Variants in MCF2L observed in about 807,000 individuals in gnomAD.
The protein encoded by MCF2L is MCF.2 cell line derived transforming sequence like.
In MCF2L, 97 loss-of-function variants were observed where a neutral mutation model predicts 153.4. The ratio of observed to expected loss-of-function variants is 0.63; its 90% CI spans 0.54 to 0.75. The LOEUF (loss-of-function observed/expected upper bound fraction) is 0.75, where lower values mean the gene tolerates loss of function less well. MCF2L is among the 30% of genes least tolerant of loss of function. The pLI, the probability that MCF2L is intolerant of heterozygous loss-of-function variation, is 0.00. For synonymous variants in MCF2L, 659 were observed against 632.2 expected (o/e 1.04, Z -0.64); for missense variants, 1,347 against 1,495.2 (o/e 0.90, Z 1.64).
At chr13:112,942,683 T>A (rs12865475) in intron 2 of MCF2L, among the ~76,000 whole-genome samples, 10,604 of 152,288 alleles carry the variant, frequency 0.07, 428 homozygotes, top group South Asian at 0.18. Flanking sequence ...GTAAAAAAAC[T>A]CTGTCTAGTT....
At chr13:112,992,319 C>G (rs975204330) in intron 1 of MCF2L, among the ~76,000 whole-genome samples, 2 of 152,202 alleles carry the variant, frequency 1.3e-5, no homozygotes, top group Non-Finnish European at 2.9e-5. Flanking sequence ...GTAGGAGATA[C>G]TTGGCCATGT....
chr13:113,035,109 G>A lies in MCF2L; in HGVS notation c.279-10162G>A, dbSNP rs1032565299. ...CCGTGCAGACCTCACCATTCCCGAC[G>A]GGAACACTTGTGATATTCACTTCCA... is the stretch of plus-strand genomic sequence containing the variant. On this transcript the variant is annotated intron_variant, in intron 3 of 29. Coordinates refer to ENST00000535094, the MANE Select transcript of MCF2L (RefSeq NM_001112732.3). The surrounding 1 kb of genome is among the most constrained non-coding windows in gnomAD (Gnocchi z 4.4). Among the ~76,000 whole-genome samples, 3 of 152,316 alleles carry A rather than the reference G, an allele frequency of 2.0e-5. No homozygotes were observed. Among genetic ancestry groups the A allele is most frequent in the Middle Eastern group, 3.4e-3 (1 of 294 alleles).
chr13:113,050,550 A>C (rs1283213480), intron 4 of MCF2L, among the ~76,000 whole-genome samples: 3 of 150,116 alleles, frequency 2.0e-5, no homozygotes, highest in Admixed American at 1.3e-4. Context: ...TCGTCCAGCA[A>C]ATCTTTCACA....
chr13:113,043,209 AGCCCCTTG>A (rs2086612026), intron 3 of MCF2L: 2 of 152,272 alleles, frequency 1.3e-5, no homozygotes, highest in African/African-American at 2.4e-5. Context: ...CCCAACACAC[AGCCCCTTG>A]GCAGGGGCTC....
intron 1 of MCF2L, among the ~76,000 whole-genome samples, chr13:112,973,784 G>T (rs928706046): frequency 6.6e-6 from 1 of 152,234 alleles, no homozygotes; most frequent in African/African-American, 2.4e-5. Context: ...GGCTCCAGGG[G>T]CTGGCGCTGA....
intron 3 of MCF2L, among the ~76,000 whole-genome samples, chr13:113,030,219 C>G (rs1032253409): frequency 6.6e-6 from 1 of 151,876 alleles, no homozygotes; most frequent in South Asian, 2.1e-4. Context: ...TGCCGACGCC[C>G]GGTGTGGACT....
intron 17 of MCF2L, 138 bp downstream of exon 17, chr13:113,082,680 G>A (rs2034261173): frequency 1.5e-6 from 1 of 650,522 alleles, no homozygotes; most frequent in Non-Finnish European, 2.8e-6. Context: ...GACTCACAGA[G>A]GCACAGGCTT....
chr13:112,953,998 G>A (rs753875211), intron 2 of MCF2L, among the ~76,000 whole-genome samples: 9 of 152,252 alleles, frequency 5.9e-5, no homozygotes, highest in Non-Finnish European at 1.2e-4. Context: ...TGAGAACGCT[G>A]TGGCATGCTG....
Position 112,907,410 on chromosome 13 carries a change from A to C in MCF2L, c.169+5039A>C, listed in dbSNP as rs941595136. 6.6e-6 allele frequency among the ~76,000 whole-genome samples: 1 copy of C among 152,122 alleles called. No homozygotes were observed. The highest frequency in any genetic ancestry group is 2.4e-5 in the African/African-American group (1 of 41,420). On this transcript the variant is annotated intron_variant, in intron 2 of 29. Coordinates refer to the MCF2L transcript ENST00000375608. This position sits in a 1 kb window ranked among gnomAD's most constrained non-coding sequence, Gnocchi z 5.1. ...GGTCATAGTCGTGGCTTGGTGGAGAATCCTCGGTGTTTGTGGCATGGATCG... is the reference window on the plus strand; with the variant it reads ...GGTCATAGTCGTGGCTTGGTGGAGACTCCTCGGTGTTTGTGGCATGGATCG...
At chr13:112,986,798 G>T (rs1011625132) in intron 1 of MCF2L, among the ~76,000 whole-genome samples, 2 of 152,232 alleles carry the variant, frequency 1.3e-5, no homozygotes, top group Admixed American at 6.5e-5. Context: ...TCACTCCCCT[G>T]CCTGCCTCAC....
chr13:112,984,695 G>C (rs1469347255), intron 1 of MCF2L, among the ~76,000 whole-genome samples: 2 of 152,204 alleles, frequency 1.3e-5, no homozygotes, highest in South Asian at 2.1e-4. Flanking sequence ...CGTGCAAAAA[G>C]GAAAACGTGT....
intron 2 of MCF2L, among the ~76,000 whole-genome samples, chr13:112,912,973 T>C (rs2081249669): frequency 6.6e-6 from 1 of 151,144 alleles, no homozygotes; most frequent in African/African-American, 2.4e-5. Flanking sequence ...TCTGTATGTA[T>C]GGGGTGTGTC....
At chr13:113,043,458 G>T (rs182638728) in intron 3 of MCF2L, 1 of 152,344 alleles carries the variant, frequency 6.6e-6, no homozygotes, top group Admixed American at 6.5e-5. Context: ...CGCCGCCTGG[G>T]GCAAGAGGGA....
chr13:113,048,729 A>G (rs1259625079), intron 4 of MCF2L, among the ~76,000 whole-genome samples: 4 of 152,170 alleles, frequency 2.6e-5, no homozygotes, highest in Non-Finnish European at 5.9e-5. Flanking sequence ...GGTGTGAGCC[A>G]CCGCGCCCGG....
In MCF2L at chr13:113,014,796, G is replaced by T; in HGVS notation, c.113G>T (p.Cys38Phe). The T allele has an allele frequency of 6.2e-7, 1 of 1,614,096 alleles. No homozygotes were observed. The highest frequency in any genetic ancestry group is 1.1e-5 in the South Asian group (1 of 91,086). The change falls in exon 2 of 30, where the codon TGT (cysteine) becomes TTT (phenylalanine). Residue 38 changes from cysteine to phenylalanine, a missense_variant. Cys to Phe is a radical substitution (Grantham distance 205). Around this residue, in one of 3 missense-constraint regions of MCF2L, gnomAD observed 820 missense variants for 921.2 expected, o/e 0.89. Transcript: ENST00000535094. ...ATGCACCAGGACATCGTCCCGCTCT[G>T]TGCTGCCGACATCCAGGACCAGCTA... ...EIMHQDIVPL[C>F]AADIQDQLKK...
intron 2 of MCF2L, among the ~76,000 whole-genome samples, chr13:113,021,568 C>T (rs1359890950): frequency 6.6e-6 from 1 of 152,184 alleles, no homozygotes; most frequent in Non-Finnish European, 1.5e-5. Context: ...TCGGAGCCCT[C>T]TGTCCTCTGC....
At position 113,014,790 on chromosome 13, in the gene MCF2L, C is replaced by T. The variant is rs764620726; in HGVS notation, c.107C>T (p.Pro36Leu). 6 of 1,614,068 alleles carry T rather than the reference C, an allele frequency of 3.7e-6. No homozygotes were observed. The highest frequency in any genetic ancestry group is 2.2e-5 in the East Asian group (1 of 44,876). ...GAAATCATGCACCAGGACATCGTCC[C>T]GCTCTGTGCTGCCGACATCCAGGAC... The part of the protein sequence containing the change: ...TDEIMHQDIV[P>L]LCAADIQDQL... Residue 36 changes from proline to leucine, a missense_variant, in exon 2 of 30, where the codon CCG becomes CTG. This residue lies in a region of MCF2L where 820 missense variants were observed against 921.2 expected (regional missense o/e 0.89). Coordinates refer to ENST00000535094, the MANE Select transcript of MCF2L (RefSeq NM_001112732.3).
intron 27 of MCF2L, 92 bp from the exon 28 acceptor site, chr13:113,096,279 G>C: frequency 1.0e-6 from 1 of 1,004,052 alleles, no homozygotes; most frequent in Non-Finnish European, 1.5e-6. Flanking sequence ...ACCGGGGCAG[G>C]GCGCTAAGGC....
intron 3 of MCF2L, chr13:113,044,928 G>A (rs1324599908): frequency 6.2e-7 from 1 of 1,606,138 alleles, no homozygotes; most frequent in African/African-American, 1.3e-5. Context: ...TTAGTCAGCT[G>A]GTCACCCAGG....
Sources: allele counts gnomAD v4.1 joint callset (sites outside exome capture counted in the v4.1 genomes callset), GRCh38; gene constraint gnomAD v4.1.1; regional missense constraint gnomAD v4.1.1; non-coding constraint Gnocchi (gnomAD v3.1); transcripts MANE v1.5; gene names NCBI Gene and HGNC (gene_info 2026-07-23, HGNC 2026-07-21).